INTS9: variants seen among roughly 807,000 people sequenced by gnomAD.
INTS9 encodes integrator complex subunit 9.
A neutral mutation model predicts 79.7 loss-of-function variants in INTS9; 55 were observed. The ratio of observed to expected loss-of-function variants is 0.69; its 90% confidence interval spans 0.56 to 0.86. The LOEUF is 0.86. INTS9 is among the 40% of genes least tolerant of loss of function. The pLI, the probability that INTS9 is intolerant of heterozygous loss-of-function variation, is 0.00. For missense variants in INTS9, 721 were observed against 831.5 expected, an observed-to-expected ratio of 0.87 and a Z score of 1.64; for synonymous variants, 319 against 325.2, an observed-to-expected ratio of 0.98 and a Z score of 0.20.
chr8:28,842,436 C>G (rs998507820), intron 4 of INTS9, among the ~76,000 whole-genome samples: 2 of 152,216 alleles, frequency 1.3e-5, no homozygotes, highest in African/African-American at 4.8e-5. Context: ...ACAGAAGGAT[C>G]CAAGTTGTGA....
intron 1 of INTS9, among the ~76,000 whole-genome samples, chr8:28,868,936 T>TA (rs1389656218): frequency 6.6e-6 from 1 of 152,000 alleles, no homozygotes; most frequent in African/African-American, 2.4e-5. Flanking sequence ...CCGTCTCTAC[T>TA]AAAAATAGAA....
intron 6 of INTS9, among the ~76,000 whole-genome samples, chr8:28,817,816 C>G (rs1805586395): frequency 6.7e-6 from 1 of 148,728 alleles, no homozygotes. Flanking sequence ...TTGTTTGTAC[C>G]CTCTTTTATT....
At chr8:28,786,804 G>A (rs1000728180) in intron 11 of INTS9, among the ~76,000 whole-genome samples, 16 of 151,988 alleles carry the variant, frequency 1.1e-4, no homozygotes, top group Admixed American at 9.8e-4. Context: ...TGCAAGCTCC[G>A]CCTCCCAGGT....
chr8:28,869,206 C>A (rs1190180935), intron 1 of INTS9, among the ~76,000 whole-genome samples: 1 of 152,044 alleles, frequency 6.6e-6, no homozygotes, highest in Non-Finnish European at 1.5e-5. Flanking sequence ...TTATTATTTT[C>A]TTTCAAAAAG....
rs754202366 is a variant in INTS9 at position 28,768,212 on chromosome 8, G to A, written c.1911C>T (p.Cys637=). The A allele has an allele frequency of 7.4e-6, 12 of 1,614,004 alleles. No homozygotes were observed. The highest frequency in any genetic ancestry group is 1.1e-5 in the South Asian group (1 of 91,092). The change falls in exon 17 of 17, where the codon TGC becomes TGT. Residue 637 remains cysteine, a synonymous_variant. Transcript: ENST00000521022. ...GCACTCTGAGCATCTCGTCATTGTCGCAGATGATATGGGTCGAGTCTTCTT... is the reference window on the plus strand; with the variant it reads ...GCACTCTGAGCATCTCGTCATTGTCACAGATGATATGGGTCGAGTCTTCTT... The part of the protein sequence containing the change: ...QIEEDSTHII[C]DNDEMLRVRL...
At chr8:28,812,777 G>A (rs1278172020) in intron 7 of INTS9, among the ~76,000 whole-genome samples, 2 of 152,164 alleles carry the variant, frequency 1.3e-5, no homozygotes, top group African/African-American at 2.4e-5. Flanking sequence ...CTGGAGCCCG[G>A]GAAGTTGAGG....
At chr8:28,865,363 T>G (rs1418202635) in intron 1 of INTS9, among the ~76,000 whole-genome samples, 1 of 151,918 alleles carries the variant, frequency 6.6e-6, no homozygotes, top group Non-Finnish European at 1.5e-5. Flanking sequence ...GCCCAGCTAC[T>G]TGGGAGGTTG....
chr8:28,769,906 C>CGAACT lies in INTS9; in HGVS notation c.1778_1782dup (p.Val595SerfsTer71), dbSNP rs1243962024. 1 of 1,614,154 alleles carries CGAACT rather than the reference C, an allele frequency of 6.2e-7. No individual in the cohort carries two copies. The highest frequency in any genetic ancestry group is 8.5e-7 in the Non-Finnish European group (1 of 1,180,000). Reference sequence around the variant, plus strand: ...CAGCTCACCTTCTCCAGGGTCTGCACGAACTGCTCCACAGGGATGGAACCG... The same window carrying CGAACT: ...CAGCTCACCTTCTCCAGGGTCTGCACGAACTGAACTGCTCCACAGGGATGGAACCG... On this transcript the variant is annotated frameshift_variant, in exon 16 of 17. Transcript: ENST00000521022. LOFTEE classifies it high-confidence loss of function.
At chr8:28,824,849 C>T (rs1321451785) in intron 6 of INTS9, among the ~76,000 whole-genome samples, 2 of 152,206 alleles carry the variant, frequency 1.3e-5, no homozygotes, top group African/African-American at 2.4e-5. Context: ...GTTTCCTCAT[C>T]TATAAAATGG....
At chr8:28,800,985 G>A (rs1804483055) in intron 8 of INTS9, among the ~76,000 whole-genome samples, 1 of 152,132 alleles carries the variant, frequency 6.6e-6, no homozygotes, top group African/African-American at 2.4e-5. Context: ...TTGCTTCATG[G>A]AACCAACCTC....
intron 11 of INTS9, among the ~76,000 whole-genome samples, chr8:28,781,715 C>T (rs1225279634): frequency 2.0e-5 from 3 of 152,154 alleles, no homozygotes; most frequent in South Asian, 4.1e-4. Flanking sequence ...AACTGTATGA[C>T]GTTCTGGAAA....
intron 9 of INTS9, 34 bp from the exon 10 acceptor site, chr8:28,794,021 C>A: frequency 6.7e-7 from 1 of 1,490,406 alleles, no homozygotes; most frequent in South Asian, 1.3e-5. Flanking sequence ...GAAAAAACAT[C>A]ATATCAAAAG....
intron 12 of INTS9, among the ~76,000 whole-genome samples, chr8:28,778,292 T>C (rs181276778): frequency 7.1e-4 from 108 of 152,312 alleles, no homozygotes; most frequent in African/African-American, 2.4e-3. Flanking sequence ...TTACAGTTCA[T>C]CACTTATTCA....
At chr8:28,772,984 T>C (rs1802637566) in intron 14 of INTS9, among the ~76,000 whole-genome samples, 1 of 152,170 alleles carries the variant, frequency 6.6e-6, no homozygotes, top group South Asian at 2.1e-4. Context: ...ACTGTCACAC[T>C]CATTCTAGAG....
chr8:28,808,353 C>T (rs547839953), intron 8 of INTS9, among the ~76,000 whole-genome samples: 11 of 152,026 alleles, frequency 7.2e-5, no homozygotes, highest in Non-Finnish European at 1.5e-4. Flanking sequence ...ACCATCACAC[C>T]GGTTAATTTT....
chr8:28,782,296 A>G (rs990977166), intron 11 of INTS9, among the ~76,000 whole-genome samples: 3 of 152,208 alleles, frequency 2.0e-5, no homozygotes, highest in Non-Finnish European at 4.4e-5. Flanking sequence ...TGTTTGAAGT[A>G]CAAGTGACTT....
In INTS9 at chr8:28,837,734, A is replaced by C. The variant is rs1414540343; in HGVS notation, c.304T>G (p.Ser102Ala). ...DLSTVDVILISNYHCMMALPY... is the reference protein window; with the variant it reads ...DLSTVDVILIANYHCMMALPY... ...AGCGCCATCATACAGTGATAGTTAG[A>C]GATGAGAATCACATCTACTGTAGAC... Residue 102 changes from serine (S) to alanine (A), a missense_variant, in exon 5 of 17, where the codon TCT (serine) becomes GCT (alanine). Ser to Ala is a moderately conservative substitution (Grantham distance 99, BLOSUM62 1). Coordinates refer to ENST00000521022, the MANE Select transcript of INTS9 (RefSeq NM_018250.4). The C allele has an allele frequency of 2.5e-6, 4 of 1,614,042 alleles. No homozygotes were observed. The highest frequency in any genetic ancestry group is 3.4e-6 in the Non-Finnish European group (4 of 1,179,918).
At chr8:28,837,574 C>A in intron 5 of INTS9, 63 bp downstream of exon 5, 1 of 1,555,260 alleles carries the variant, frequency 6.4e-7, no homozygotes, top group Non-Finnish European at 8.7e-7. Flanking sequence ...ACTGTGATAG[C>A]GTCATCACTG....
chr8:28,773,997 T>G (rs539008051), intron 14 of INTS9, among the ~76,000 whole-genome samples: 2 of 152,272 alleles, frequency 1.3e-5, no homozygotes, highest in South Asian at 2.1e-4. Flanking sequence ...TTTTTTTTAG[T>G]GGAGATGGGG....
Sources: allele counts gnomAD v4.1 joint callset (sites outside exome capture counted in the v4.1 genomes callset), GRCh38; gene constraint gnomAD v4.1.1; transcripts MANE v1.5; gene names NCBI Gene and HGNC (gene_info 2026-07-23, HGNC 2026-07-21).